RASGEF1B: variants seen among roughly 807,000 people sequenced by gnomAD.
RASGEF1B encodes ras-GEF domain-containing family member 1B.
In RASGEF1B, 30 loss-of-function variants were observed where a neutral mutation model predicts 65.7. The observed-to-expected ratio is 0.46, with a 90% CI of 0.34 to 0.62. The LOEUF (loss-of-function observed/expected upper bound fraction) is 0.62. RASGEF1B is among the 20% of genes least tolerant of loss of function. The pLI, the probability that RASGEF1B is intolerant of heterozygous loss-of-function variation, is 0.01. For synonymous variants in RASGEF1B, 175 were observed against 194.8 expected (o/e 0.90, Z 0.85); for missense variants, 495 against 580.1 (o/e 0.85, Z 1.51).
At chr4:81,470,408 A>G (rs1722978575) in intron 1 of RASGEF1B, among the ~76,000 whole-genome samples, 1 of 152,130 alleles carries the variant, frequency 6.6e-6, no homozygotes, top group Non-Finnish European at 1.5e-5. Context: ...GCCAAGCTCT[A>G]GCTACTGTTT....
chr4:81,429,661 C>T (rs1203822896), intron 13 of RASGEF1B, among the ~76,000 whole-genome samples: 1 of 152,354 alleles, frequency 6.6e-6, no homozygotes, highest in African/African-American at 2.4e-5. Context: ...AACACATCTG[C>T]TGAAGAAGAC....
intron 8 of RASGEF1B, among the ~76,000 whole-genome samples, chr4:81,443,801 C>A (rs1721928996): frequency 6.6e-6 from 1 of 152,142 alleles, no homozygotes; most frequent in African/African-American, 2.4e-5. Flanking sequence ...TGTGTGCAAT[C>A]TCTGCATTGC....
At chr4:81,439,584 C>T (rs1469680999) in intron 10 of RASGEF1B, among the ~76,000 whole-genome samples, 1 of 152,208 alleles carries the variant, frequency 6.6e-6, no homozygotes, top group Non-Finnish European at 1.5e-5. Context: ...GCAGAGAGAA[C>T]CTTGCCTGCC....
chr4:81,443,536 C>A (rs1478410042), intron 8 of RASGEF1B, among the ~76,000 whole-genome samples: 1 of 152,172 alleles, frequency 6.6e-6, no homozygotes, highest in Non-Finnish European at 1.5e-5. Flanking sequence ...CATACTGTAT[C>A]CACTCTTGTG....
Position 81,445,773 on chromosome 4 carries a change from G to A in RASGEF1B, c.795C>T (p.Leu265=), listed in dbSNP as rs1722000824. The A allele has an allele frequency of 1.2e-6, 2 of 1,614,046 alleles. No individual in the cohort carries two copies. The highest frequency in any genetic ancestry group is 1.6e-4 in the Middle Eastern group (1 of 6,062). ...AGATTTCTGTAGCAACCAAGTAGCT[G>A]AGGCGATTAAACCATTCCACGTAAG... The part of the protein sequence containing the change: ...LEAYVEWFNR[L]SYLVATEICM... The change falls in exon 7 of 14, where the codon CTC becomes CTT. Residue 265 remains leucine (L), a synonymous_variant. Transcript: ENST00000264400.
At chr4:81,464,486 A>T (rs1163679805) in intron 1 of RASGEF1B, among the ~76,000 whole-genome samples, 1 of 152,200 alleles carries the variant, frequency 6.6e-6, no homozygotes, top group Non-Finnish European at 1.5e-5. Flanking sequence ...TTAATCTCAA[A>T]AGCTATTCTC....
chr4:81,470,132 TAAAAA>T (rs1722970551), intron 1 of RASGEF1B, among the ~76,000 whole-genome samples: 1 of 152,028 alleles, frequency 6.6e-6, no homozygotes, highest in Non-Finnish European at 1.5e-5. Context: ...GCCCCTCACT[TAAAAA>T]AATAAAATTA....
At chr4:81,460,625 C>A (rs1302976247) in intron 1 of RASGEF1B, among the ~76,000 whole-genome samples, 1 of 152,190 alleles carries the variant, frequency 6.6e-6, no homozygotes, top group African/African-American at 2.4e-5. Flanking sequence ...AGCATCTGTT[C>A]CAGCTACAGC....
chr4:81,471,118 G>T (rs896065227), intron 1 of RASGEF1B: 2 of 152,202 alleles, frequency 1.3e-5, no homozygotes, highest in African/African-American at 4.8e-5. Flanking sequence ...AGTTTGCCAG[G>T]TGAACACCGA....
intron 4 of RASGEF1B, chr4:81,456,373 A>G (rs761921460): frequency 7.3e-5 from 44 of 599,240 alleles, no homozygotes; most frequent in Non-Finnish European, 1.2e-4. Flanking sequence ...AAAGTAAAGT[A>G]AAATTAAAAC....
chr4:81,430,548 G>A (rs1182696406), intron 13 of RASGEF1B, among the ~76,000 whole-genome samples: 2 of 152,204 alleles, frequency 1.3e-5, no homozygotes, highest in Admixed American at 1.3e-4. Flanking sequence ...CTGCCGTGGG[G>A]TCGGAGCCCC....
intron 4 of RASGEF1B, chr4:81,453,366 T>C (rs1236434950): frequency 6.6e-6 from 1 of 152,206 alleles, no homozygotes; most frequent in Non-Finnish European, 1.5e-5. Context: ...AGTATTTTCA[T>C]ACAACATCCG....
chr4:81,435,278 G>A (rs1214189968), intron 10 of RASGEF1B, among the ~76,000 whole-genome samples: 1 of 151,358 alleles, frequency 6.6e-6, no homozygotes, highest in Admixed American at 6.6e-5. Context: ...AGGTGTGGTG[G>A]CGGGCGCCTG....
In RASGEF1B at chr4:81,442,384, T is replaced by G; in HGVS notation, c.929-8A>C. The G allele has an allele frequency of 1.3e-6, 2 of 1,595,038 alleles. No individual in the cohort carries two copies. Among genetic ancestry groups the G allele is most frequent in the Non-Finnish European group, 1.7e-6 (2 of 1,163,556 alleles). ...GGCTCATATTCATACCAGCTTCCCATTTGAAATGGAGGGGGAGAAAAAAGG... is the reference window on the plus strand; with the variant it reads ...GGCTCATATTCATACCAGCTTCCCAGTTGAAATGGAGGGGGAGAAAAAAGG... On this transcript the variant is annotated splice_polypyrimidine_tract_variant and splice_region_variant and intron_variant, in intron 8 of 13. Transcript: ENST00000264400.
Position 81,447,590 on chromosome 4 carries a change from AC to A in RASGEF1B, c.655-13del. Reference sequence around the variant, plus strand: ...TAATTGAGCCTCTCCTGAAACACAAACCCAGAAGGTCAACAGTATTAAAGAA... The same window carrying A: ...TAATTGAGCCTCTCCTGAAACACAAACCAGAAGGTCAACAGTATTAAAGAA... On this transcript the variant is annotated splice_polypyrimidine_tract_variant and intron_variant, in intron 5 of 13. Coordinates refer to ENST00000264400, the MANE Select transcript of RASGEF1B (RefSeq NM_152545.3). The A allele has an allele frequency of 1.2e-6, 2 of 1,609,574 alleles. No homozygotes were observed. The highest frequency in any genetic ancestry group is 1.7e-6 in the Non-Finnish European group (2 of 1,175,934).
chr4:81,437,063 T>C (rs78047069), intron 10 of RASGEF1B, among the ~76,000 whole-genome samples: 8,273 of 152,296 alleles, frequency 0.054, 330 homozygotes, highest in Middle Eastern at 0.11. Flanking sequence ...TGAACCTTGC[T>C]TCTCTGAAAG....
rs150708184 is a variant in RASGEF1B, at chr4:81,456,721, T to C, written c.368A>G (p.Tyr123Cys). Residue 123 changes from tyrosine to cysteine, a missense_variant, in exon 4 of 14, where the codon TAT (tyrosine) becomes TGT (cysteine). By Grantham distance (194) the Tyr-to-Cys change is radical (BLOSUM62 -2). Coordinates refer to ENST00000264400, the MANE Select transcript of RASGEF1B (RefSeq NM_152545.3). ...LLTEWTETFPYDFRDERMMRN... is the reference protein window; with the variant it reads ...LLTEWTETFPCDFRDERMMRN... ...CATCATTCTTTCATCCCGAAAATCA[T>C]AGGGAAATGTTTCCGTCCATTCCGT... 30 of 1,614,134 alleles carry C rather than the reference T, an allele frequency of 1.9e-5. No individual in the cohort carries two copies. Among genetic ancestry groups the C allele is most frequent in the East Asian group, 2.2e-5 (1 of 44,880 alleles).
intron 10 of RASGEF1B, among the ~76,000 whole-genome samples, chr4:81,435,696 C>T (rs1169587543): frequency 6.1e-5 from 9 of 148,078 alleles, no homozygotes; most frequent in South Asian, 2.1e-4. Flanking sequence ...AGGATGGTCT[C>T]GATCTCCTGA....
At chr4:81,438,531 G>A (rs1263491967) in intron 10 of RASGEF1B, among the ~76,000 whole-genome samples, 2 of 152,214 alleles carry the variant, frequency 1.3e-5, no homozygotes, top group African/African-American at 4.8e-5. Context: ...ACTGTAAAAA[G>A]AGATGGCATT....
Sources: gnomAD v4.1 joint callset for allele counts (sites outside exome capture counted in the v4.1 genomes callset) on GRCh38, gnomAD v4.1.1 for gene constraint, MANE v1.5 for transcripts, NCBI Gene and HGNC (gene_info 2026-07-23, HGNC 2026-07-21) for gene names.